Variants in FAM210A observed in about 807,000 individuals in gnomAD.
The protein encoded by FAM210A is mitochondrial inner membrane scaffold 1.
A neutral mutation model predicts 25.3 loss-of-function variants in FAM210A; 13 were observed. The observed-to-expected ratio is 0.51, with a 90% CI of 0.33 to 0.82. The LOEUF (loss-of-function observed/expected upper bound fraction) is 0.82, where lower values mean the gene tolerates loss of function less well. FAM210A is among the 40% of genes least tolerant of loss of function. The pLI is 0.02. For missense variants in FAM210A, 319 were observed against 323.2 expected (o/e 0.99, Z 0.10); for synonymous variants, 125 against 118.7 (o/e 1.05, Z -0.35).
At chr18:13,678,414 G>C (rs1016573518) in intron 2 of FAM210A, among the ~76,000 whole-genome samples, 1 of 151,920 alleles carries the variant, frequency 6.6e-6, no homozygotes, top group African/African-American at 2.4e-5. Context: ...GGGATTACAG[G>C]CTCTGCAATT....
At chr18:13,673,074 G>C (rs1185490459) in intron 2 of FAM210A, among the ~76,000 whole-genome samples, 1 of 149,288 alleles carries the variant, frequency 6.7e-6, no homozygotes, top group Non-Finnish European at 1.5e-5. Context: ...CCTGAGCCCC[G>C]ACTTCTTTAT....
chr18:13,691,934 T>C (rs12963177), intron 1 of FAM210A, among the ~76,000 whole-genome samples: 25,053 of 31,438 alleles, frequency 0.8, 10,807 homozygotes, highest in East Asian at 0.92. Context: ...AACTAAATGC[T>C]CCAGTTAAAA....
At chr18:13,684,577 A>G (rs2043581122) in intron 1 of FAM210A, among the ~76,000 whole-genome samples, 1 of 152,234 alleles carries the variant, frequency 6.6e-6, no homozygotes, top group African/African-American at 2.4e-5. Flanking sequence ...GGTGAAAACT[A>G]CAGAACAGAA....
In FAM210A at chr18:13,666,482, A is replaced by G; in HGVS notation, c.817T>C (p.Ter273GlnextTer31). The change falls in exon 4 of 4, where the codon TAA becomes CAA. Residue 273 changes from the stop codon to glutamine, a stop_lost. Transcript: ENST00000651643. ...EKVSFKKKVE[*>Q] ...TCTATACTGCTATATAAGGCACCTTATTCCACTTTTTTCTTAAAGGAAACT... is the reference window on the plus strand; with the variant it reads ...TCTATACTGCTATATAAGGCACCTTGTTCCACTTTTTTCTTAAAGGAAACT... 3 of 1,612,526 alleles carry G rather than the reference A, an allele frequency of 1.9e-6. No homozygotes were observed. Among genetic ancestry groups the G allele is most frequent in the Non-Finnish European group, 2.5e-6 (3 of 1,178,914 alleles).
chr18:13,686,245 A>C (rs1185122278), intron 1 of FAM210A, among the ~76,000 whole-genome samples: 1 of 152,180 alleles, frequency 6.6e-6, no homozygotes, highest in Non-Finnish European at 1.5e-5. Context: ...ATCAGGCCCA[A>C]AGAGACATTA....
chr18:13,682,761 C>T (rs1380126676), intron 1 of FAM210A, among the ~76,000 whole-genome samples: 1 of 152,052 alleles, frequency 6.6e-6, no homozygotes, highest in Non-Finnish European at 1.5e-5. Context: ...TCCAGCTACT[C>T]GGGAGGCTGA....
chr18:13,685,446 TGTCTC>T (rs1204490746), intron 1 of FAM210A, among the ~76,000 whole-genome samples: 2 of 152,186 alleles, frequency 1.3e-5, no homozygotes, highest in African/African-American at 2.4e-5. Flanking sequence ...TGCCATCTAT[TGTCTC>T]TAAGGACGGC....
At chr18:13,677,182 C>T (rs1329930201) in intron 2 of FAM210A, among the ~76,000 whole-genome samples, 1 of 151,816 alleles carries the variant, frequency 6.6e-6, no homozygotes, top group Non-Finnish European at 1.5e-5. Flanking sequence ...TCACGCCATT[C>T]TCCTGCCTCA....
intron 1 of FAM210A, among the ~76,000 whole-genome samples, chr18:13,686,124 T>C (rs1038828119): frequency 6.6e-6 from 1 of 152,076 alleles, no homozygotes; most frequent in African/African-American, 2.4e-5. Context: ...AGAGGAGTCA[T>C]AACAACTGAT....
intron 3 of FAM210A, 62 bp downstream of exon 3, chr18:13,671,800 G>C (rs886180424): frequency 2.4e-5 from 24 of 1,012,150 alleles, no homozygotes; most frequent in Non-Finnish European, 3.4e-5. Context: ...GAATCTCATG[G>C]GAAAGTGAGC....
In FAM210A at chr18:13,666,321, G is replaced by A. The variant is rs2043400813; in HGVS notation, c.*159C>T. On this transcript the variant is annotated 3_prime_UTR_variant, in exon 4 of 4. Transcript: ENST00000651643. ...CCTTGTAATAACACTGATTTTTCTA[G>A]TGATATTTAACTTTAAAAAGGTATT... 1.6e-6 allele frequency: 1 copy of A among 621,098 alleles called. No homozygotes were observed. Among genetic ancestry groups the A allele is most frequent in the Admixed American group, 3.0e-5 (1 of 33,540 alleles). 38.5% of individuals were successfully genotyped at this position (621,098 alleles called of 1,614,324 possible).
chr18:13,720,396 T>C (rs1249603894), intron 1 of FAM210A, among the ~76,000 whole-genome samples: 1 of 152,156 alleles, frequency 6.6e-6, no homozygotes, highest in Non-Finnish European at 1.5e-5. Context: ...GTAAACAACC[T>C]GAAGTAGCAC....
intron 1 of FAM210A, chr18:13,710,389 GCCC>G: frequency 6.6e-6 from 1 of 152,440 alleles, no homozygotes; most frequent in Non-Finnish European, 1.5e-5. Context: ...TCACCATGTT[GCCC>G]AGGCTGGTCT....
At chr18:13,668,837 C>T (rs1327580400) in intron 3 of FAM210A, among the ~76,000 whole-genome samples, 1 of 152,152 alleles carries the variant, frequency 6.6e-6, no homozygotes, top group African/African-American at 2.4e-5. Flanking sequence ...AAAAATATGA[C>T]ATTCATAAAA....
chr18:13,706,044 A>T (rs1209247918), intron 1 of FAM210A, among the ~76,000 whole-genome samples: 3 of 152,188 alleles, frequency 2.0e-5, no homozygotes, highest in African/African-American at 7.2e-5. Context: ...GAACCCAAAG[A>T]CTGAATATTC....
At chr18:13,699,742 CG>C (rs1568485391) in intron 1 of FAM210A, among the ~76,000 whole-genome samples, 8 of 152,122 alleles carry the variant, frequency 5.3e-5, no homozygotes, top group African/African-American at 1.9e-4. Context: ...ATCCTTTTAT[CG>C]CGTGGTATTT....
At chr18:13,717,878 C>T (rs2043873070) in intron 1 of FAM210A, among the ~76,000 whole-genome samples, 1 of 152,144 alleles carries the variant, frequency 6.6e-6, no homozygotes, top group African/African-American at 2.4e-5. Context: ...TTTCTGCTGG[C>T]CTCAAGGAAA....
At chr18:13,679,736 T>A (rs991307405) in intron 2 of FAM210A, among the ~76,000 whole-genome samples, 1 of 152,126 alleles carries the variant, frequency 6.6e-6, no homozygotes, top group Non-Finnish European at 1.5e-5. Context: ...GACAGTTGTA[T>A]CACCATGTTT....
intron 1 of FAM210A, among the ~76,000 whole-genome samples, chr18:13,686,796 C>G (rs1420709140): frequency 6.6e-6 from 1 of 151,524 alleles, no homozygotes; most frequent in Admixed American, 6.6e-5. Context: ...TTTCCAAAAA[C>G]AAACAAACAA....
Sources: gnomAD v4.1 joint callset for allele counts (sites outside exome capture counted in the v4.1 genomes callset) on GRCh38, gnomAD v4.1.1 for gene constraint, MANE v1.5 for transcripts, NCBI Gene and HGNC (gene_info 2026-07-23, HGNC 2026-07-21) for gene names.